Variants in THSD4 observed in about 807,000 individuals in gnomAD.
THSD4 encodes the protein thrombospondin type-1 domain-containing protein 4.
THSD4 carries 69 observed loss-of-function variants against 119.0 expected under a neutral mutation model. That is an observed-to-expected ratio of 0.58 (90% CI 0.48 to 0.71). THSD4 has a LOEUF of 0.71. Among genes scored for constraint, THSD4 ranks in the 30% least tolerant of loss-of-function variants. The pLI, the probability that THSD4 is intolerant of heterozygous loss-of-function variation, is 0.00. For missense variants in THSD4, 1,393 were observed against 1,391.1 expected (o/e 1.00, Z -0.02); for synonymous variants, 524 against 540.4 (o/e 0.97, Z 0.42).
intron 8 of THSD4, among the ~76,000 whole-genome samples, chr15:71,691,268 T>C (rs1225060021): frequency 2.0e-5 from 3 of 152,256 alleles, no homozygotes; most frequent in Non-Finnish European, 4.4e-5. Flanking sequence ...TTCAGACTTC[T>C]GACCTCCAGA....
chr15:71,650,260 C>G (rs1337227756), intron 7 of THSD4, among the ~76,000 whole-genome samples: 3 of 152,136 alleles, frequency 2.0e-5, no homozygotes, highest in African/African-American at 7.2e-5. Flanking sequence ...GACTGCAATG[C>G]CTGAGGTATT....
intron 6 of THSD4, among the ~76,000 whole-genome samples, chr15:71,368,767 C>G (rs9672719): frequency 0.45 from 67,917 of 151,898 alleles, 15,703 homozygotes; most frequent in East Asian, 0.65. Context: ...TGGCTATGTG[C>G]GCTCTTTTTT....
intron 8 of THSD4, among the ~76,000 whole-genome samples, chr15:71,710,616 T>C (rs2141090703): frequency 6.6e-6 from 1 of 152,290 alleles, no homozygotes; most frequent in Admixed American, 6.5e-5. Flanking sequence ...ATACGGTATC[T>C]TCAAGGGGAA....
At chr15:71,629,210 C>T in intron 7 of THSD4, among the ~76,000 whole-genome samples, 1 of 152,182 alleles carries the variant, frequency 6.6e-6, no homozygotes, top group Non-Finnish European at 1.5e-5. Flanking sequence ...CAGCAGCATA[C>T]TGAACTGGCA....
chr15:71,127,758 G>C (rs375536368), intron 1 of THSD4, among the ~76,000 whole-genome samples: 1 of 151,872 alleles, frequency 6.6e-6, no homozygotes, highest in South Asian at 2.1e-4. Flanking sequence ...TCTTTAATTG[G>C]GTTTTTTATT....
chr15:71,377,875 C>CACACACACACACACACACACACACAA (rs2046163220), intron 6 of THSD4, among the ~76,000 whole-genome samples: 10 of 72,430 alleles, frequency 1.4e-4, no homozygotes, highest in South Asian at 4.9e-4. Context: ...ACAACACACA[C>CACACACACACACACACACACACACAA]ACACACACAC....
At position 71,417,404 on chromosome 15, in the gene THSD4, T is replaced by G. The variant is rs1312617267; in HGVS notation, c.1152+5581T>G. On this transcript the variant is annotated intron_variant, in intron 7 of 17. Coordinates refer to ENST00000261862, the MANE Select transcript of THSD4 (RefSeq NM_024817.3). ...AAGTGTTTAATCCATTTTGGTTTGA[T>G]TTTTGCATATGGTGAGAGATAGGAG... Among the ~76,000 whole-genome samples the G allele has an allele frequency of 1.8e-5, 2 of 108,412 alleles. 1 individual carries two copies. The highest frequency in any genetic ancestry group is 4.1e-5 in the Non-Finnish European group (2 of 49,360). The allele number at this position is 108,412 out of a possible 152,430, so 71.1% of individuals were successfully genotyped here. A position where few individuals can be genotyped will look rare whatever the true frequency, so the allele number is the denominator to read the frequency against.
chr15:71,366,632 T>G (rs1310144770), intron 6 of THSD4, among the ~76,000 whole-genome samples: 1 of 152,192 alleles, frequency 6.6e-6, no homozygotes, highest in African/African-American at 2.4e-5. Flanking sequence ...CACTTTCTCA[T>G]GGAATCCTCT....
intron 6 of THSD4, among the ~76,000 whole-genome samples, chr15:71,283,430 T>A (rs1228097199): frequency 6.6e-6 from 1 of 152,216 alleles, no homozygotes. Context: ...TAATATTATC[T>A]CCTTAAGTAG....
At chr15:71,194,077 C>T (rs1454631324) in intron 3 of THSD4, among the ~76,000 whole-genome samples, 1 of 152,192 alleles carries the variant, frequency 6.6e-6, no homozygotes, top group African/African-American at 2.4e-5. Flanking sequence ...TGCCTGCTGC[C>T]ATGTAAGATG....
chr15:71,502,622 T>G (rs1175307355), intron 7 of THSD4, among the ~76,000 whole-genome samples: 1 of 152,168 alleles, frequency 6.6e-6, no homozygotes, highest in Admixed American at 6.5e-5. Context: ...CAAAGATGAT[T>G]AAAGCATTGG....
chr15:71,130,660 T>G (rs1248735924), intron 1 of THSD4, among the ~76,000 whole-genome samples: 1 of 152,250 alleles, frequency 6.6e-6, no homozygotes, highest in Non-Finnish European at 1.5e-5. Context: ...GAATAGCACC[T>G]GCTTCATAGG....
At chr15:71,544,074 G>A (rs1039100122) in intron 7 of THSD4, among the ~76,000 whole-genome samples, 2 of 152,054 alleles carry the variant, frequency 1.3e-5, no homozygotes, top group Admixed American at 1.3e-4. Flanking sequence ...AAAGCATTGG[G>A]GCCATTGGAA....
chr15:71,146,076 A>C (rs1240404403), intron 2 of THSD4, among the ~76,000 whole-genome samples: 1 of 152,218 alleles, frequency 6.6e-6, no homozygotes, highest in Non-Finnish European at 1.5e-5. Flanking sequence ...ATAAGGTTGA[A>C]ATTTTCTCTT....
rs72083784 is a variant in THSD4 at position 71,287,078 on chromosome 15, CAT to C, written c.1015+30366_1015+30367del. On this transcript the variant is annotated intron_variant, in intron 6 of 17. Coordinates refer to ENST00000261862, the MANE Select transcript of THSD4 (RefSeq NM_024817.3). Reference sequence around the variant, plus strand: ...AACAAACAACATTCCTATGAGTAAACATATTCCTGTTTAAGAAGAATGATATT... The same window carrying C: ...AACAAACAACATTCCTATGAGTAAACATTCCTGTTTAAGAAGAATGATATT... Among the ~76,000 whole-genome samples, 922 of 152,252 alleles carry C rather than the reference CAT, an allele frequency of 6.1e-3. 9 individuals are homozygous for C. Among genetic ancestry groups the C allele is most frequent in the African/African-American group, 0.021 (858 of 41,544 alleles).
intron 6 of THSD4, among the ~76,000 whole-genome samples, chr15:71,279,497 G>A (rs897651977): frequency 2.0e-5 from 3 of 152,212 alleles, no homozygotes; most frequent in African/African-American, 7.2e-5. Flanking sequence ...CTTAGGATGC[G>A]AAGGAGTAGA....
intron 7 of THSD4, among the ~76,000 whole-genome samples, chr15:71,445,961 G>A (rs955225500): frequency 1.3e-5 from 2 of 152,200 alleles, no homozygotes; most frequent in African/African-American, 4.8e-5. Context: ...GCAGTTGCAA[G>A]ATCGCTCTGC....
chr15:71,773,155 C>G (rs964647234), intron 17 of THSD4, among the ~76,000 whole-genome samples: 1 of 136,258 alleles, frequency 7.3e-6, no homozygotes, highest in African/African-American at 2.8e-5. Flanking sequence ...GAGGTGCAAT[C>G]GCACCACTGC....
chr15:71,352,127 T>C (rs1387654848), intron 6 of THSD4, among the ~76,000 whole-genome samples: 4 of 152,254 alleles, frequency 2.6e-5, no homozygotes, highest in Non-Finnish European at 5.9e-5. Flanking sequence ...GATTCGTGAT[T>C]CCATCAGAGT....
Sources: gnomAD v4.1 joint callset for allele counts (sites outside exome capture counted in the v4.1 genomes callset) on GRCh38, gnomAD v4.1.1 for gene constraint, MANE v1.5 for transcripts, NCBI Gene and HGNC (gene_info 2026-07-23, HGNC 2026-07-21) for gene names.